Variants in FAT4 observed in about 807,000 individuals in gnomAD.
FAT4 encodes protocadherin Fat 4.
A neutral mutation model predicts 303.9 loss-of-function variants in FAT4; 84 were observed. The ratio of observed to expected loss-of-function variants is 0.28; its 90% confidence interval spans 0.23 to 0.33. The LOEUF is 0.33. FAT4 is among the 10% of genes least tolerant of loss of function. FAT4 has a pLI of 1.00. For missense variants in FAT4, 6,005 were observed against 6,146.8 expected, an observed-to-expected ratio of 0.98 and a Z score of 0.77; for synonymous variants, 2,307 against 2,298.8, an observed-to-expected ratio of 1.00 and a Z score of -0.10.
intron 5 of FAT4, among the ~76,000 whole-genome samples, chr4:125,413,602 G>T (rs1488245219): frequency 6.4e-4 from 2 of 3,108 alleles, no homozygotes; most frequent in Non-Finnish European, 4.7e-3. Flanking sequence ...CACAGAATAA[G>T]AGTAAGTGTG....
At chr4:125,447,223 A>G (rs755556690) in intron 9 of FAT4, among the ~76,000 whole-genome samples, 1 of 152,068 alleles carries the variant, frequency 6.6e-6, no homozygotes, top group Non-Finnish European at 1.5e-5. Flanking sequence ...TGCCATTTTA[A>G]TTTTTAAAAT....
intron 10 of FAT4, among the ~76,000 whole-genome samples, chr4:125,457,262 G>T (rs1161017338): frequency 6.6e-6 from 1 of 152,032 alleles, no homozygotes; most frequent in Non-Finnish European, 1.5e-5. Flanking sequence ...ATCCCCTAGG[G>T]TGTGATTAAA....
At chr4:125,321,840 G>A (rs1215524931) in intron 2 of FAT4, among the ~76,000 whole-genome samples, 1 of 152,080 alleles carries the variant, frequency 6.6e-6, no homozygotes, top group African/African-American at 2.4e-5. Flanking sequence ...TAAGGTTAAG[G>A]AGAAATCTTT....
At chr4:125,368,406 G>A (rs1390666949) in intron 2 of FAT4, among the ~76,000 whole-genome samples, 1 of 151,236 alleles carries the variant, frequency 6.6e-6, no homozygotes, top group African/African-American at 2.4e-5. Flanking sequence ...TTTTAGAGTA[G>A]AGTGGGAATT....
intron 11 of FAT4, 26 bp from the exon 12 acceptor site, chr4:125,468,486 C>T: frequency 7.2e-7 from 1 of 1,388,192 alleles, no homozygotes; most frequent in Non-Finnish European, 9.4e-7. Flanking sequence ...AATTTTATGC[C>T]AGTTTGTCAA....
In FAT4 at chr4:125,446,306, G is replaced by C. The variant is rs963194020; in HGVS notation, c.7213G>C (p.Gly2405Arg). ...TTTCTGCTTTAGTTATAGGATCATC[G>C]GTGGAAACTCTCAGTTCACGATCAA... The part of the protein sequence containing the change: ...KNAVISYRII[G>R]GNSQFTINPS... The change falls in exon 9 of 18, where the codon GGT (glycine) becomes CGT (arginine). Residue 2405 changes from glycine to arginine, a missense_variant. Coordinates refer to ENST00000394329, the MANE Select transcript of FAT4 (RefSeq NM_001291303.3). 6.2e-7 allele frequency: 1 copy of C among 1,611,840 alleles called. No homozygotes were observed. The highest frequency in any genetic ancestry group is 2.2e-5 in the East Asian group (1 of 44,856).
chr4:125,421,079 T>C (rs1724860340), intron 7 of FAT4, among the ~76,000 whole-genome samples: 1 of 152,134 alleles, frequency 6.6e-6, no homozygotes, highest in Admixed American at 6.5e-5. Flanking sequence ...TACAGGCACA[T>C]GCCTGGCTAA....
At chr4:125,386,462 G>T (rs2016343) in intron 2 of FAT4, among the ~76,000 whole-genome samples, 14,478 of 152,044 alleles carry the variant, frequency 0.095, 1,280 homozygotes, top group African/African-American at 0.24. Context: ...TAGAGACAGG[G>T]TTTCATCATG....
chr4:125,452,156 T>G lies in FAT4; in HGVS notation c.11146T>G (p.Leu3716Val). The G allele has an allele frequency of 1.2e-6, 2 of 1,614,226 alleles. No individual in the cohort carries two copies. The highest frequency in any genetic ancestry group is 1.7e-6 in the Non-Finnish European group (2 of 1,180,040). Residue 3716 changes from leucine to valine, a missense_variant, in exon 10 of 18, where the codon TTA becomes GTA. Coordinates refer to ENST00000394329, the MANE Select transcript of FAT4 (RefSeq NM_001291303.3). Reference sequence around the variant, plus strand: ...CAATGCCACAGTGGATAACAGCATCTTACTTCGTCTCGGCGTACCAACAGT... The same window carrying G: ...CAATGCCACAGTGGATAACAGCATCGTACTTCGTCTCGGCGTACCAACAGT... ...FSNATVDNSI[L>V]LRLGVPTVKD...
chr4:125,440,458 G>A (rs987230801), intron 8 of FAT4, among the ~76,000 whole-genome samples: 8 of 151,904 alleles, frequency 5.3e-5, no homozygotes, highest in East Asian at 3.9e-4. Context: ...CCTGCTCAAT[G>A]TCTATATAAA....
At chr4:125,380,019 G>A (rs913545753) in intron 2 of FAT4, among the ~76,000 whole-genome samples, 6 of 151,708 alleles carry the variant, frequency 4.0e-5, no homozygotes, top group Non-Finnish European at 8.8e-5. Context: ...TCAGCCTCCT[G>A]AGTAGCTGGG....
rs1440763527 is a variant in FAT4 at position 125,477,349 on chromosome 4, T to C, written c.12479+15T>C. ...ATCCTAGATCAGTATGGCGATTTTA[T>C]TTCTTACTGTTTTAAAGAAAAAAAA... is the stretch of plus-strand genomic sequence containing the variant. On this transcript the variant is annotated intron_variant, in intron 14 of 17. Coordinates refer to ENST00000394329, the MANE Select transcript of FAT4 (RefSeq NM_001291303.3). The C allele has an allele frequency of 6.5e-7, 1 of 1,532,158 alleles. No individual in the cohort carries two copies. The highest frequency in any genetic ancestry group is 2.4e-5 in the East Asian group (1 of 41,384). 94.9% of individuals were successfully genotyped at this position (1,532,158 alleles called of 1,614,324 possible).
chr4:125,423,634 G>A (rs2126034765), intron 7 of FAT4, among the ~76,000 whole-genome samples: 1 of 152,324 alleles, frequency 6.6e-6, no homozygotes, highest in South Asian at 2.1e-4. Flanking sequence ...TGAGAAGAAG[G>A]CCAGCATCCT....
chr4:125,372,201 A>G (rs1733141591), intron 2 of FAT4, among the ~76,000 whole-genome samples: 1 of 152,034 alleles, frequency 6.6e-6, no homozygotes, highest in African/African-American at 2.4e-5. Context: ...AAGAAAAAAG[A>G]AAAAAGGAAA....
At chr4:125,352,280 G>C (rs1732254985) in intron 2 of FAT4, among the ~76,000 whole-genome samples, 1 of 151,284 alleles carries the variant, frequency 6.6e-6, no homozygotes, top group African/African-American at 2.4e-5. Flanking sequence ...TTTCAAACTA[G>C]AGCTGAAAAA....
At chr4:125,323,880 A>G (rs986479170) in intron 2 of FAT4, among the ~76,000 whole-genome samples, 1 of 152,196 alleles carries the variant, frequency 6.6e-6, no homozygotes, top group Non-Finnish European at 1.5e-5. Context: ...TTGCTTACTC[A>G]GGTTTCTGGC....
intron 7 of FAT4, among the ~76,000 whole-genome samples, chr4:125,431,808 A>G (rs1290740081): frequency 6.6e-6 from 1 of 151,980 alleles, no homozygotes; most frequent in African/African-American, 2.4e-5. Flanking sequence ...TCTCTCTTCC[A>G]TGACACCTCC....
chr4:125,481,148 C>A (rs1257869908), intron 15 of FAT4, among the ~76,000 whole-genome samples: 3 of 152,050 alleles, frequency 2.0e-5, no homozygotes, highest in Non-Finnish European at 4.4e-5. Context: ...TTTAACCATG[C>A]AAACGTATAT....
chr4:125,406,240 T>C (rs916096773), intron 3 of FAT4, among the ~76,000 whole-genome samples: 2 of 152,198 alleles, frequency 1.3e-5, no homozygotes, highest in African/African-American at 4.8e-5. Context: ...CCAACACCCC[T>C]TGTTGAAGTG....
Sources: allele counts gnomAD v4.1 joint callset (sites outside exome capture counted in the v4.1 genomes callset), GRCh38; gene constraint gnomAD v4.1.1; transcripts MANE v1.5; gene names NCBI Gene and HGNC (gene_info 2026-07-23, HGNC 2026-07-21).